Variants in TRMT11 observed in about 807,000 individuals in gnomAD.
The protein encoded by TRMT11 is tRNA methyltransferase 11.
A neutral mutation model predicts 62.8 loss-of-function variants in TRMT11; 53 were observed. The observed-to-expected ratio is 0.84, with a 90% CI of 0.68 to 1.06. The LOEUF is 1.06. Among genes scored for constraint, TRMT11 ranks in the 50% least tolerant of loss-of-function variants. The pLI is 0.00. For missense variants in TRMT11, 556 were observed against 553.4 expected (o/e 1.00, Z -0.05); for synonymous variants, 188 against 190.3 (o/e 0.99, Z 0.10).
chr6:126,266,577 A>G, the TRMT11 span, among the ~76,000 whole-genome samples: 1 of 152,056 alleles, frequency 6.6e-6, no homozygotes, highest in Non-Finnish European at 1.5e-5. Context: ...TGCCCTTTGC[A>G]TTGGGGTTCC....
chr6:126,051,705 G>A (rs940224305), intron 16 of TRMT11, among the ~76,000 whole-genome samples: 2 of 152,142 alleles, frequency 1.3e-5, no homozygotes, highest in African/African-American at 4.8e-5. Flanking sequence ...GATGATATCT[G>A]AGATTCCAGC....
chr6:126,103,033 A>G (rs561109205), intron 17 of TRMT11, among the ~76,000 whole-genome samples: 1 of 152,094 alleles, frequency 6.6e-6, no homozygotes, highest in Non-Finnish European at 1.5e-5. Context: ...TCCTGTCTCA[A>G]ATGTGTTACT....
chr6:126,078,792 C>G (rs1019570465), intron 17 of TRMT11, among the ~76,000 whole-genome samples: 22 of 152,158 alleles, frequency 1.4e-4, no homozygotes, highest in Admixed American at 1.2e-3. Flanking sequence ...TCCTGGCACT[C>G]TGGACAGTGT....
At chr6:126,153,254 T>A (rs1775154148) in intron 21 of TRMT11, among the ~76,000 whole-genome samples, 1 of 152,252 alleles carries the variant, frequency 6.6e-6, no homozygotes, top group Non-Finnish European at 1.5e-5. Flanking sequence ...ATTTATTTCA[T>A]TTTAAAAGGG....
chr6:126,065,288 C>T (rs1776656876), intron 17 of TRMT11, among the ~76,000 whole-genome samples: 1 of 152,080 alleles, frequency 6.6e-6, no homozygotes, highest in African/African-American at 2.4e-5. Flanking sequence ...TATCACGTGT[C>T]CACTGCTGGA....
chr6:126,074,549 G>A (rs1256090431), intron 17 of TRMT11, among the ~76,000 whole-genome samples: 4 of 152,088 alleles, frequency 2.6e-5, no homozygotes, highest in African/African-American at 9.7e-5. Context: ...CTAGGGCCTA[G>A]GAGTTAGCTT....
intron 12 of TRMT11, among the ~76,000 whole-genome samples, chr6:126,038,021 G>C (rs1466313391): frequency 1.3e-5 from 2 of 151,964 alleles, no homozygotes; most frequent in Non-Finnish European, 2.9e-5. Context: ...CAGTGTTTCA[G>C]TGTTTCCTGC....
At chr6:126,268,988 G>A in the TRMT11 span, among the ~76,000 whole-genome samples, 2 of 151,892 alleles carry the variant, frequency 1.3e-5, no homozygotes, top group African/African-American at 4.8e-5. Flanking sequence ...TTGGCCGGGC[G>A]CGGTGGCTCA....
the TRMT11 span, among the ~76,000 whole-genome samples, chr6:126,225,910 G>C: frequency 1.3e-5 from 2 of 151,828 alleles, no homozygotes; most frequent in Non-Finnish European, 2.9e-5. Flanking sequence ...GAGTACTCAC[G>C]AACTACTGAC....
At chr6:126,171,380 C>G (rs111255339) in intron 21 of TRMT11, among the ~76,000 whole-genome samples, 24 of 151,354 alleles carry the variant, frequency 1.6e-4, no homozygotes, top group African/African-American at 5.6e-4. Flanking sequence ...TGGTGGGTGC[C>G]GGGGATATGT....
chr6:125,988,249 A>G (rs893843548), intron 1 of TRMT11, among the ~76,000 whole-genome samples: 1 of 152,228 alleles, frequency 6.6e-6, no homozygotes, highest in African/African-American at 2.4e-5. Context: ...GCTAAAGCGA[A>G]TATGTTGAGT....
chr6:126,135,505 A>T (rs1305632217), intron 21 of TRMT11, among the ~76,000 whole-genome samples: 1 of 151,832 alleles, frequency 6.6e-6, no homozygotes, highest in Non-Finnish European at 1.5e-5. Context: ...AAATTTGGTC[A>T]TCAAAGAAAA....
At chr6:126,028,983 A>G (rs1235534245) in intron 12 of TRMT11, among the ~76,000 whole-genome samples, 1 of 152,188 alleles carries the variant, frequency 6.6e-6, no homozygotes, top group African/African-American at 2.4e-5. Flanking sequence ...AGTTGAAAAT[A>G]TAAATATAAC....
chr6:126,026,386 T>TG (rs1773084608), intron 12 of TRMT11, among the ~76,000 whole-genome samples: 1 of 143,532 alleles, frequency 7.0e-6, no homozygotes, highest in African/African-American at 3.0e-5. Context: ...TTTTTATGTT[T>TG]TTTTTTAATT....
intron 10 of TRMT11, 21 bp from the exon 11 acceptor site, chr6:126,012,949 A>G: frequency 1.2e-6 from 2 of 1,608,088 alleles, no homozygotes; most frequent in African/African-American, 1.3e-5. Flanking sequence ...CTGATTTTGA[A>G]ATTTTCTTTT....
intron 1 of TRMT11, among the ~76,000 whole-genome samples, chr6:125,987,621 A>G (rs1789876234): frequency 6.6e-6 from 1 of 152,208 alleles, no homozygotes; most frequent in African/African-American, 2.4e-5. Context: ...TAGTCTTGTT[A>G]ATAGATTAAG....
chr6:126,052,873 C>T (rs999790339), intron 16 of TRMT11, among the ~76,000 whole-genome samples: 1 of 152,188 alleles, frequency 6.6e-6, no homozygotes, highest in Non-Finnish European at 1.5e-5. Context: ...TCCAGTCTGT[C>T]TTTCTGAACC....
chr6:126,040,245 T>C (rs1312448040), downstream of TRMT11, among the ~76,000 whole-genome samples: 1 of 152,096 alleles, frequency 6.6e-6, no homozygotes, highest in Non-Finnish European at 1.5e-5. Flanking sequence ...TTTAGTCACA[T>C]TATCCTTAAA....
intron 17 of TRMT11, among the ~76,000 whole-genome samples, chr6:126,087,429 G>GTCC (rs936627114): frequency 1.3e-5 from 2 of 152,150 alleles, no homozygotes; most frequent in African/African-American, 4.8e-5. Context: ...AAGACAAATG[G>GTCC]TAAACTAAAG....
Sources: gnomAD v4.1 joint callset for allele counts (sites outside exome capture counted in the v4.1 genomes callset) on GRCh38, gnomAD v4.1.1 for gene constraint, MANE v1.5 for transcripts, NCBI Gene and HGNC (gene_info 2026-07-23, HGNC 2026-07-21) for gene names.